PHACTR1: variants seen among roughly 807,000 people sequenced by gnomAD.
PHACTR1 encodes the protein phosphatase and actin regulator 1.
In PHACTR1, 16 loss-of-function variants were observed where a neutral mutation model predicts 69.2. The ratio of observed to expected loss-of-function variants is 0.23; its 90% CI spans 0.16 to 0.35. PHACTR1 has a LOEUF of 0.35. PHACTR1 is among the 10% of genes least tolerant of loss of function. The probability of loss-of-function intolerance (pLI) is 1.00; values close to 1 mark genes in which losing one functional copy is unlikely to be tolerated. For synonymous variants in PHACTR1, 312 were observed against 284.5 expected (o/e 1.10, Z -0.97); for missense variants, 510 against 734.7 (o/e 0.69, Z 3.54).
chr6:13,121,484 A>G (rs971282447), intron 5 of PHACTR1, among the ~76,000 whole-genome samples: 1 of 152,258 alleles, frequency 6.6e-6, no homozygotes, highest in Non-Finnish European at 1.5e-5. Context: ...ATAGAAGTCT[A>G]TATAGTTAAC....
intron 7 of PHACTR1, among the ~76,000 whole-genome samples, chr6:13,189,324 C>T (rs1336764700): frequency 1.3e-5 from 2 of 152,126 alleles, no homozygotes; most frequent in African/African-American, 4.8e-5. Context: ...AAGCATGAAC[C>T]TATTTTTTTT....
At chr6:13,199,170 G>A (rs746969320) in intron 7 of PHACTR1, among the ~76,000 whole-genome samples, 2 of 152,040 alleles carry the variant, frequency 1.3e-5, no homozygotes, top group Non-Finnish European at 2.9e-5. Flanking sequence ...GGTGGATCAC[G>A]AGGTCAGGAG....
rs1435946191 is a variant in PHACTR1 at position 13,130,851 on chromosome 6, CA to C, written c.416-29346del. On this transcript the variant is annotated intron_variant, in intron 5 of 14. Coordinates refer to ENST00000332995, the MANE Select transcript of PHACTR1 (RefSeq NM_030948.6). ...ATTCCAAAACCAGGAAAGGACATAA[CA>C]AAAAAAGAAAACTACAGACCAATAT... is the stretch of plus-strand genomic sequence containing the variant. 2.2e-4 allele frequency among the ~76,000 whole-genome samples: 34 copies of C among 151,820 alleles called. No individual in the cohort carries two copies. In the East Asian group the frequency reaches 4.8e-3, roughly 22 times the overall value.
intron 5 of PHACTR1, among the ~76,000 whole-genome samples, chr6:13,132,729 T>TAAA (rs77142357): frequency 5.2e-5 from 2 of 38,496 alleles, no homozygotes; most frequent in African/African-American, 1.1e-4. Flanking sequence ...ACCGTATTGC[T>TAAA]AAAAAAAAAA....
rs1561953828 is a variant in PHACTR1, at chr6:13,182,602, C to G, written c.580C>G (p.Leu194Val). ...CTCCAGCCAGCTGTCTCTGCCTGCC[C>G]TGTCCGAAATGGAGCCAGTCCCAAT... Reference protein sequence around the residue: ...LSSSQLSLPALSEMEPVPMPR... With the variant: ...LSSSQLSLPAVSEMEPVPMPR... The change falls in exon 7 of 15, where the codon CTG becomes GTG. Residue 194 changes from leucine (L) to valine (V), a missense_variant. By Grantham distance (32) the Leu-to-Val change is conservative (BLOSUM62 1). Transcript: ENST00000332995. 4 of 1,612,914 alleles carry G rather than the reference C, an allele frequency of 2.5e-6. No individual in the cohort carries two copies. The South Asian group carries it at 3.3e-5, about 13-fold the overall frequency.
At chr6:12,957,191 G>A (rs1393529406) in intron 4 of PHACTR1, 2 of 221,382 alleles carry the variant, frequency 9.0e-6, no homozygotes, top group Non-Finnish European at 1.5e-5. Flanking sequence ...GTCAGGTGAC[G>A]GGATCACTGA....
Position 13,245,546 on chromosome 6 carries a change from C to T in PHACTR1, c.1391+15353C>T, listed in dbSNP as rs1268801213. On this transcript the variant is annotated intron_variant, in intron 10 of 14. Coordinates refer to ENST00000332995, the MANE Select transcript of PHACTR1 (RefSeq NM_030948.6). The surrounding 1 kb of genome is among the most constrained non-coding windows in gnomAD (Gnocchi z 4.1). ...TGTAAATTTAAGTTTCTTATAGATG[C>T]TGGATATTAGACCTTTGTTGGACGT... Among the ~76,000 whole-genome samples the T allele has an allele frequency of 6.6e-6, 1 of 152,106 alleles. No homozygotes were observed. Among genetic ancestry groups the T allele is most frequent in the African/African-American group, 2.4e-5 (1 of 41,422 alleles).
At position 12,958,245 on chromosome 6, in the gene PHACTR1, G is replaced by A. The variant is rs1792152456; in HGVS notation, c.251-95120G>A. Among the ~76,000 whole-genome samples the A allele has an allele frequency of 2.0e-5, 3 of 152,144 alleles. No individual in the cohort carries two copies. The South Asian group carries it at 6.2e-4, about 32-fold the overall frequency. ...GTGTAGATGCCTCAAAGTCAGAAGA[G>A]ATGGATACAAAACTGGTGATGATTT... On this transcript the variant is annotated intron_variant, in intron 4 of 14. Coordinates refer to ENST00000332995, the MANE Select transcript of PHACTR1 (RefSeq NM_030948.6).
At chr6:12,752,093 C>T (rs1332851) in intron 4 of PHACTR1, among the ~76,000 whole-genome samples, 11,153 of 152,270 alleles carry the variant, frequency 0.073, 497 homozygotes, top group Admixed American at 0.11. Context: ...CTGCTCAAAT[C>T]GGGCGTTTAT....
chr6:13,241,590 C>G (rs1772846116), intron 10 of PHACTR1, among the ~76,000 whole-genome samples: 5 of 152,186 alleles, frequency 3.3e-5, no homozygotes, highest in Admixed American at 3.3e-4. Context: ...TTAGTTTCCA[C>G]ATCTGTAAAA....
At chr6:13,124,005 G>A (rs1214173683) in intron 5 of PHACTR1, among the ~76,000 whole-genome samples, 1 of 152,168 alleles carries the variant, frequency 6.6e-6, no homozygotes, top group Non-Finnish European at 1.5e-5. Flanking sequence ...CTGGGTGGGG[G>A]ATGCAGGTCC....
intron 10 of PHACTR1, among the ~76,000 whole-genome samples, chr6:13,232,249 A>G (rs12660392): frequency 0.12 from 18,622 of 152,272 alleles, 1,622 homozygotes; most frequent in Admixed American, 0.24. Flanking sequence ...AGACATAGGC[A>G]TCATCCAACA....
chr6:13,159,497 T>G (rs1258148893), intron 5 of PHACTR1, among the ~76,000 whole-genome samples: 3 of 152,322 alleles, frequency 2.0e-5, no homozygotes, highest in East Asian at 3.9e-4. Context: ...TTCAGGAAAG[T>G]TCAGTAAGAC....
chr6:12,900,052 C>A (rs1785035100), intron 4 of PHACTR1, among the ~76,000 whole-genome samples: 1 of 152,186 alleles, frequency 6.6e-6, no homozygotes, highest in African/African-American at 2.4e-5. Flanking sequence ...CCAGATTTAG[C>A]AAATATTTAA....
chr6:12,933,104 T>C (rs966304006), intron 4 of PHACTR1, among the ~76,000 whole-genome samples: 4 of 151,998 alleles, frequency 2.6e-5, no homozygotes, highest in African/African-American at 9.7e-5. Flanking sequence ...CCCGGCTGAT[T>C]TTTGTATTTT....
At chr6:12,844,494 A>C (rs1195570953) in intron 4 of PHACTR1, among the ~76,000 whole-genome samples, 2 of 152,184 alleles carry the variant, frequency 1.3e-5, no homozygotes, top group Non-Finnish European at 2.9e-5. Flanking sequence ...TAAGGCACCC[A>C]GGTCGTGATG....
At chr6:12,952,037 C>T (rs1026819605) in intron 4 of PHACTR1, among the ~76,000 whole-genome samples, 6 of 152,236 alleles carry the variant, frequency 3.9e-5, no homozygotes, top group East Asian at 1.9e-4. Context: ...CCTGGGCACC[C>T]GTGAGCAAGA....
intron 4 of PHACTR1, among the ~76,000 whole-genome samples, chr6:12,966,235 T>A (rs1227451599): frequency 1.3e-5 from 2 of 152,128 alleles, no homozygotes; most frequent in East Asian, 3.9e-4. Context: ...GGGCCAGCTG[T>A]TACTTCCTGA....
chr6:12,884,258 C>T (rs754171236), intron 4 of PHACTR1, among the ~76,000 whole-genome samples: 8 of 152,172 alleles, frequency 5.3e-5, no homozygotes, highest in Non-Finnish European at 8.8e-5. Flanking sequence ...CTACTATGCT[C>T]AGTCAATATT....
Sources: gnomAD v4.1 joint callset for allele counts (sites outside exome capture counted in the v4.1 genomes callset) on GRCh38, gnomAD v4.1.1 for gene constraint, Gnocchi (gnomAD v3.1) non-coding constraint, MANE v1.5 for transcripts, NCBI Gene and HGNC (gene_info 2026-07-23, HGNC 2026-07-21) for gene names.